KIAA0319L: variants seen among roughly 807,000 people sequenced by gnomAD.
KIAA0319L encodes dyslexia-associated protein KIAA0319-like protein.
A neutral mutation model predicts 120.1 loss-of-function variants in KIAA0319L; 55 were observed. The observed-to-expected ratio is 0.46, with a 90% CI of 0.37 to 0.57. KIAA0319L has a LOEUF of 0.57. Ranked by LOEUF, KIAA0319L falls within the 20% of genes least tolerant of loss-of-function variation. The pLI is 0.00. For missense variants in KIAA0319L, 1,049 were observed against 1,255.3 expected, an observed-to-expected ratio of 0.84 and a Z score of 2.48; for synonymous variants, 398 against 471.9, an observed-to-expected ratio of 0.84 and a Z score of 2.03.
intron 2 of KIAA0319L, among the ~76,000 whole-genome samples, chr1:35,516,420 C>G (rs560580787): frequency 6.6e-6 from 1 of 152,278 alleles, no homozygotes; most frequent in East Asian, 1.9e-4. Flanking sequence ...AAATGTGATT[C>G]ATCACATAAA....
rs1412765528 is a variant in KIAA0319L at position 35,479,025 on chromosome 1, T to C, written c.854A>G (p.Tyr285Cys). 3 of 1,613,986 alleles carry C rather than the reference T, an allele frequency of 1.9e-6. No homozygotes were observed. The highest frequency in any genetic ancestry group is 1.3e-5 in the African/African-American group (1 of 74,902). ...IAVPQPVAPS[Y>C]SYATPTPQAS... ...CTGGGGGGTAGGGGTAGCATAACTG[T>C]AGGAGGGAGCCACTGGCTGGGGGAC... The change falls in exon 4 of 21, where the codon TAC becomes TGC. Residue 285 changes from tyrosine to cysteine, a missense_variant. Tyr to Cys is a radical substitution (Grantham distance 194). Transcript: ENST00000325722.
At chr1:35,444,518 C>T (rs779390264) in intron 16 of KIAA0319L, among the ~76,000 whole-genome samples, 4 of 152,168 alleles carry the variant, frequency 2.6e-5, no homozygotes, top group Admixed American at 6.6e-5. Flanking sequence ...GTAACTTGCC[C>T]AAGGTCACAC....
At chr1:35,462,526 G>T in intron 8 of KIAA0319L, 95 bp downstream of exon 8, 2 of 1,005,748 alleles carry the variant, frequency 2.0e-6, no homozygotes, top group Non-Finnish European at 3.1e-6. Flanking sequence ...TAAACAGAAC[G>T]CAGACACAGC....
chr1:35,451,831 C>T, intron 12 of KIAA0319L, 55 bp from the exon 13 acceptor site: 2 of 1,569,106 alleles, frequency 1.3e-6, no homozygotes, highest in South Asian at 2.3e-5. Flanking sequence ...CTGTCCTGTC[C>T]CTAACTTAGC....
At position 35,451,694 on chromosome 1, in the gene KIAA0319L, TG is replaced by T; in HGVS notation, c.1995del (p.Phe665LeufsTer3). On this transcript the variant is annotated frameshift_variant, in exon 13 of 21. Coordinates refer to ENST00000325722, the MANE Select transcript of KIAA0319L (RefSeq NM_024874.5). LOFTEE classifies it high-confidence loss of function. ...VTGLQVGTYV[F>X]TLTVKDERNL... ...TTCCTCTCATCTTTGACAGTCAAGG[TG>T]AACACATAGGTCCCCACTTGCAGCC... 6.2e-7 allele frequency: 1 copy of T among 1,614,080 alleles called. No individual in the cohort carries two copies. Among genetic ancestry groups the T allele is most frequent in the African/African-American group, 1.3e-5 (1 of 75,016 alleles).
intron 9 of KIAA0319L, among the ~76,000 whole-genome samples, chr1:35,456,823 AAAAGGAAG>A (rs538030565): frequency 1.5e-3 from 228 of 149,028 alleles, no homozygotes; most frequent in African/African-American, 5.5e-3. Flanking sequence ...AAAAAAAAGA[AAAAGGAAG>A]GAAGGAAGGA....
chr1:35,547,884 G>A (rs1647044201), intron 2 of KIAA0319L, among the ~76,000 whole-genome samples: 1 of 152,176 alleles, frequency 6.6e-6, no homozygotes, highest in African/African-American at 2.4e-5. Context: ...CACTCTGGGA[G>A]GCCAAGGTGG....
At chr1:35,460,526 G>T in intron 8 of KIAA0319L, 89 bp from the exon 9 acceptor site, 2 of 1,189,258 alleles carry the variant, frequency 1.7e-6, no homozygotes, top group Non-Finnish European at 1.2e-6. Context: ...ACTACCCAGA[G>T]ATTTGAAGCT....
At chr1:35,461,971 A>G (rs2149108332) in intron 8 of KIAA0319L, among the ~76,000 whole-genome samples, 1 of 152,266 alleles carries the variant, frequency 6.6e-6, no homozygotes, top group Middle Eastern at 3.4e-3. Flanking sequence ...AACCGGTCTC[A>G]AAAAATCAAA....
chr1:35,471,440 G>A (rs576152347), intron 5 of KIAA0319L, among the ~76,000 whole-genome samples: 11 of 152,314 alleles, frequency 7.2e-5, no homozygotes, highest in African/African-American at 2.6e-4. Flanking sequence ...ACACCCTGGT[G>A]AGTTAAAAGA....
intron 6 of KIAA0319L, among the ~76,000 whole-genome samples, chr1:35,470,006 C>G (rs1643515383): frequency 6.6e-6 from 1 of 151,968 alleles, no homozygotes; most frequent in East Asian, 2.0e-4. Flanking sequence ...CCGGCTGGGA[C>G]TACAGGTATG....
chr1:35,434,771 G>A lies in KIAA0319L; in HGVS notation c.*123C>T. 1 of 775,856 alleles carries A rather than the reference G, an allele frequency of 1.3e-6. No individual in the cohort carries two copies. The highest frequency in any genetic ancestry group is 2.7e-5 in the East Asian group (1 of 36,488). The allele number at this position is 775,856 out of a possible 1,614,324, so 48.1% of individuals were successfully genotyped here. A position where few individuals can be genotyped will look rare whatever the true frequency, so the allele number is the denominator to read the frequency against. On this transcript the variant is annotated 3_prime_UTR_variant, in exon 21 of 21. Coordinates refer to ENST00000325722, the MANE Select transcript of KIAA0319L (RefSeq NM_024874.5). ...CTGGATTCAAGTCCCAGGGGTTCTG[G>A]TTGGGACTGTCAGGGCGAAATGACC...
intron 20 of KIAA0319L, chr1:35,439,833 A>G (rs1170544893): frequency 6.6e-6 from 1 of 152,232 alleles, no homozygotes; most frequent in Admixed American, 6.5e-5. Flanking sequence ...TGGATGAACC[A>G]GAAGAACTTG....
chr1:35,522,750 G>A (rs1011872994), intron 2 of KIAA0319L, among the ~76,000 whole-genome samples: 7 of 151,588 alleles, frequency 4.6e-5, no homozygotes, highest in African/African-American at 1.7e-4. Context: ...GGGCGCGGGG[G>A]CTCATGCCTG....
At chr1:35,478,553 C>A (rs1644006261) in intron 4 of KIAA0319L, among the ~76,000 whole-genome samples, 1 of 151,414 alleles carries the variant, frequency 6.6e-6, no homozygotes, top group Non-Finnish European at 1.5e-5. Context: ...TACTATATAT[C>A]CACAAAAATT....
At chr1:35,494,643 A>AG (rs1382056850) in intron 3 of KIAA0319L, among the ~76,000 whole-genome samples, 3 of 150,906 alleles carry the variant, frequency 2.0e-5, no homozygotes, top group Non-Finnish European at 4.4e-5. Context: ...AAAATAACAA[A>AG]GGGAAAAAAA....
At chr1:35,524,753 G>A (rs1360445780) in intron 2 of KIAA0319L, among the ~76,000 whole-genome samples, 1 of 152,190 alleles carries the variant, frequency 6.6e-6, no homozygotes, top group Non-Finnish European at 1.5e-5. Context: ...ATACCTGTGA[G>A]TATTTGTTAC....
At chr1:35,507,902 G>T (rs1233414143) in intron 2 of KIAA0319L, among the ~76,000 whole-genome samples, 1 of 152,154 alleles carries the variant, frequency 6.6e-6, no homozygotes, top group Non-Finnish European at 1.5e-5. Context: ...CCAAAATTCT[G>T]GCTAATGTTG....
intron 2 of KIAA0319L, among the ~76,000 whole-genome samples, chr1:35,507,416 G>GAAAAAA: frequency 6.6e-6 from 1 of 151,948 alleles, no homozygotes; most frequent in Middle Eastern, 3.4e-3. Flanking sequence ...TCATAAACAG[G>GAAAAAA]AAAACAAAAA....
Sources: allele counts gnomAD v4.1 joint callset (sites outside exome capture counted in the v4.1 genomes callset), GRCh38; gene constraint gnomAD v4.1.1; transcripts MANE v1.5; gene names NCBI Gene and HGNC (gene_info 2026-07-23, HGNC 2026-07-21).